The following HSD17B3 variants were observed in gnomAD, a reference collection of about 807,000 sequenced individuals.
The protein encoded by HSD17B3 is 17-beta-hydroxysteroid dehydrogenase type 3.
HSD17B3 carries 29 observed loss-of-function variants against 41.1 expected under a neutral mutation model. That is an observed-to-expected ratio of 0.71 (90% CI 0.53 to 0.96). HSD17B3 has a LOEUF of 0.96. Ranked by LOEUF, HSD17B3 falls within the 40% of genes least tolerant of loss-of-function variation. The pLI, the probability that HSD17B3 is intolerant of heterozygous loss-of-function variation, is 0.00. For missense variants in HSD17B3, 323 were observed against 374.6 expected, an observed-to-expected ratio of 0.86 and a Z score of 1.14; for synonymous variants, 126 against 145.6, an observed-to-expected ratio of 0.87 and a Z score of 0.97.
rs144069522 is a variant in HSD17B3 at position 96,248,776 on chromosome 9, A to C, written c.489+975T>G. Among the ~76,000 whole-genome samples, 825 of 152,282 alleles carry C rather than the reference A, an allele frequency of 5.4e-3. 12 individuals are homozygous for C. The highest frequency in any genetic ancestry group is 0.026 in the South Asian group (126 of 4,820). ...AGCCTCAAGCTGTGTCCATTCTTAA[A>C]CAGTACCTTTCTCTAAATTGTCTAC... On this transcript the variant is annotated intron_variant, in intron 6 of 10. Coordinates refer to ENST00000375263, the MANE Select transcript of HSD17B3 (RefSeq NM_000197.2).
chr9:96,252,979 C>CTT, intron 3 of HSD17B3, 69 bp from the exon 4 acceptor site: 1 of 917,904 alleles, frequency 1.1e-6, no homozygotes, highest in Non-Finnish European at 1.8e-6. Flanking sequence ...GAAGTTTCCC[C>CTT]CAGTGCTCCT....
intron 2 of HSD17B3, among the ~76,000 whole-genome samples, chr9:96,286,426 C>T (rs956949823): frequency 4.0e-5 from 6 of 151,798 alleles, no homozygotes; most frequent in Non-Finnish European, 2.9e-5. Flanking sequence ...TAGTGGCCCA[C>T]GCCTGTGATC....
At chr9:96,289,192 G>GGT (rs67271328) in intron 2 of HSD17B3, among the ~76,000 whole-genome samples, 8,172 of 148,156 alleles carry the variant, frequency 0.055, 632 homozygotes, top group African/African-American at 0.18. Flanking sequence ...TTGATTTCCT[G>GGT]GTGTGTGTGT....
intron 2 of HSD17B3, among the ~76,000 whole-genome samples, chr9:96,292,690 A>C (rs886748005): frequency 6.6e-6 from 1 of 152,240 alleles, no homozygotes; most frequent in African/African-American, 2.4e-5. Context: ...CAAGAGGCTG[A>C]GTAAACCCCA....
chr9:96,251,222 G>A (rs1836889100), intron 5 of HSD17B3, 196 bp downstream of exon 5: 2 of 606,062 alleles, frequency 3.3e-6, no homozygotes, highest in Non-Finnish European at 5.9e-6. Flanking sequence ...ATATCCTAGA[G>A]ATATCGTGAA....
intron 2 of HSD17B3, among the ~76,000 whole-genome samples, chr9:96,288,523 G>A (rs1436644429): frequency 2.0e-5 from 3 of 152,116 alleles, no homozygotes; most frequent in Non-Finnish European, 4.4e-5. Context: ...GCTCATTTCT[G>A]TAATCCTAGA....
At chr9:96,255,028 G>T in intron 2 of HSD17B3, 85 bp from the exon 3 acceptor site, 1 of 1,104,188 alleles carries the variant, frequency 9.1e-7, no homozygotes, top group Non-Finnish European at 1.4e-6. Context: ...TCCTGAGACT[G>T]TGCACATACT....
At chr9:96,278,583 C>A (rs1205185671) in intron 2 of HSD17B3, among the ~76,000 whole-genome samples, 1 of 152,036 alleles carries the variant, frequency 6.6e-6, no homozygotes, top group African/African-American at 2.4e-5. Context: ...TTGTGTCCAG[C>A]TGGGCTGAGT....
At chr9:96,236,866 C>T (rs1258717669) in intron 10 of HSD17B3, among the ~76,000 whole-genome samples, 1 of 152,150 alleles carries the variant, frequency 6.6e-6, no homozygotes, top group African/African-American at 2.4e-5. Context: ...ATTAATCCAA[C>T]ATGCCTCAAT....
chr9:96,249,672 G>A, intron 6 of HSD17B3, 79 bp downstream of exon 6: 2 of 1,273,188 alleles, frequency 1.6e-6, no homozygotes, highest in Non-Finnish European at 2.3e-6. Flanking sequence ...TTCTACAGTG[G>A]ATGGGCACAA....
intron 8 of HSD17B3, 24 bp from the exon 9 acceptor site, chr9:96,244,418 T>C: frequency 2.5e-6 from 4 of 1,613,404 alleles, no homozygotes; most frequent in Non-Finnish European, 3.4e-6. Context: ...GAGAGACACC[T>C]GAGGCCCCAG....
intron 2 of HSD17B3, among the ~76,000 whole-genome samples, chr9:96,272,099 T>C (rs1564047773): frequency 6.6e-6 from 1 of 151,806 alleles, no homozygotes; most frequent in East Asian, 1.9e-4. Context: ...TCAGGCACGG[T>C]GGCTCACACC....
intron 2 of HSD17B3, among the ~76,000 whole-genome samples, chr9:96,272,405 C>CTATATATATATATATA (rs1199705437): frequency 4.6e-5 from 1 of 21,538 alleles, no homozygotes; most frequent in Admixed American, 6.4e-4. Flanking sequence ...CTCTCTCTCT[C>CTATATATATATATATA]TATATATATA....
rs778294421 is a variant in HSD17B3 at position 96,302,128 on chromosome 9, A to G, written c.-24T>C. The G allele has an allele frequency of 1.2e-6, 2 of 1,612,980 alleles. No homozygotes were observed. Among genetic ancestry groups the G allele is most frequent in the South Asian group, 1.1e-5 (1 of 90,902 alleles). On this transcript the variant is annotated 5_prime_UTR_variant, in exon 1 of 11. Coordinates refer to ENST00000375263, the MANE Select transcript of HSD17B3 (RefSeq NM_000197.2). Reference sequence around the variant, plus strand: ...ATGGCTGCACTCAACAGACTGTTTCAGCCCTGGCCGTGGCTCTCTGTGTAT... The same window carrying G: ...ATGGCTGCACTCAACAGACTGTTTCGGCCCTGGCCGTGGCTCTCTGTGTAT...
At chr9:96,255,615 C>A (rs571454572) in intron 2 of HSD17B3, among the ~76,000 whole-genome samples, 1 of 152,018 alleles carries the variant, frequency 6.6e-6, no homozygotes, top group Non-Finnish European at 1.5e-5. Flanking sequence ...GTCTCCAACT[C>A]CTGACCGCAT....
intron 2 of HSD17B3, among the ~76,000 whole-genome samples, chr9:96,261,087 C>T (rs989092597): frequency 1.3e-5 from 2 of 152,182 alleles, no homozygotes; most frequent in African/African-American, 4.8e-5. Flanking sequence ...AGCAGTTTAA[C>T]ACAACAAAAG....
In HSD17B3 at chr9:96,293,585, C is replaced by T. The variant is rs116892717; in HGVS notation, c.201+4831G>A. Among the ~76,000 whole-genome samples the T allele has an allele frequency of 9.2e-3, 1,368 of 148,322 alleles. 29 individuals carry two copies. The highest frequency in any genetic ancestry group is 0.064 in the South Asian group (306 of 4,766). On this transcript the variant is annotated intron_variant, in intron 2 of 10. Coordinates refer to ENST00000375263, the MANE Select transcript of HSD17B3 (RefSeq NM_000197.2). ...TCTGTCTCCTTCCCTCTCCCTTCCT[C>T]CCCACTCTCTTTCTCTCCCTTCCTC...
chr9:96,281,742 T>A (rs1196623452), intron 2 of HSD17B3, among the ~76,000 whole-genome samples: 1 of 152,212 alleles, frequency 6.6e-6, no homozygotes, highest in Non-Finnish European at 1.5e-5. Context: ...TAAGAGCTGA[T>A]GAGACTGCAG....
intron 2 of HSD17B3, 74 bp downstream of exon 2, chr9:96,298,342 G>C: frequency 8.8e-7 from 1 of 1,140,930 alleles, no homozygotes; most frequent in Non-Finnish European, 1.3e-6. Flanking sequence ...CAAAAATCTA[G>C]TGTTGGGGTG....
Sources: allele counts gnomAD v4.1 joint callset (sites outside exome capture counted in the v4.1 genomes callset), GRCh38; gene constraint gnomAD v4.1.1; transcripts MANE v1.5; gene names NCBI Gene and HGNC (gene_info 2026-07-23, HGNC 2026-07-21).